Variants in CLDN2 observed in about 807,000 individuals in gnomAD.
The protein encoded by CLDN2 is claudin 2, also known as claudin-2.
A neutral mutation model predicts 8.2 loss-of-function variants in CLDN2; 1 was observed. The ratio of observed to expected loss-of-function variants is 0.12; its 90% CI spans 0.04 to 0.58. The LOEUF is 0.58. Ranked by LOEUF, CLDN2 falls within the 20% of genes least tolerant of loss-of-function variation. The pLI, the probability that CLDN2 is intolerant of heterozygous loss-of-function variation, is 0.90. For missense variants in CLDN2, 108 were observed against 172.9 expected (o/e 0.62, Z 2.11); for synonymous variants, 70 against 70.2 (o/e 1.00, Z 0.01).
chrX:106,927,848 C>A (rs148724207), intron 1 of CLDN2, among the ~76,000 whole-genome samples: 148 of 112,626 alleles, frequency 1.3e-3, no homozygotes, highest in African/African-American at 4.4e-3. Context: ...ACCTGTCTGG[C>A]TCCTGGCTTT....
chrX:106,923,706 A>T (rs1933426863), intron 1 of CLDN2, among the ~76,000 whole-genome samples: 1 of 111,517 alleles, frequency 9.0e-6, no homozygotes, highest in Non-Finnish European at 1.9e-5. Flanking sequence ...CAAATGTTGA[A>T]TTTGAGGCCA....
intron 1 of CLDN2, among the ~76,000 whole-genome samples, chrX:106,926,787 TCA>T (rs60711565): frequency 0.048 from 100 of 2,101 alleles, 6 homozygotes; most frequent in East Asian, 0.091. Flanking sequence ...GGCAGGAGGA[TCA>T]CACACACACA....
Position 106,928,525 on chromosome X carries a change from G to C in CLDN2, c.297G>C (p.Val99=). The C allele has an allele frequency of 8.3e-7, 1 of 1,211,715 alleles. No homozygotes were observed. Among genetic ancestry groups the C allele is most frequent in the Non-Finnish European group, 1.1e-6 (1 of 895,519 alleles). ...AISSLACIIS[V]VGMRCTVFCQ... Reference sequence around the variant, plus strand: ...CCTCCCTGGCCTGCATTATCTCTGTGGTGGGCATGAGATGCACAGTCTTCT... The same window carrying C: ...CCTCCCTGGCCTGCATTATCTCTGTCGTGGGCATGAGATGCACAGTCTTCT... Residue 99 remains valine (V), a synonymous_variant, in exon 2 of 2, where the codon GTG becomes GTC. Transcript: ENST00000336803.
intron 1 of CLDN2, among the ~76,000 whole-genome samples, chrX:106,911,984 G>T (rs1186652921): frequency 2.7e-5 from 3 of 111,592 alleles, no homozygotes; most frequent in African/African-American, 9.8e-5. Context: ...GTTACAGAGG[G>T]TCGCTGTTGA....
At chrX:106,927,898 C>T (rs1053579436) in intron 1 of CLDN2, among the ~76,000 whole-genome samples, 153 bp from the exon 2 acceptor site, 2 of 108,159 alleles carry the variant, frequency 1.8e-5, no homozygotes, top group Non-Finnish European at 3.8e-5. Flanking sequence ...ACGCAGGAGG[C>T]GATGACATTT....
chrX:106,916,880 T>A, upstream of CLDN2, among the ~76,000 whole-genome samples: 1 of 111,659 alleles, frequency 9.0e-6, no homozygotes, highest in East Asian at 2.8e-4. Flanking sequence ...AGACCCCATC[T>A]CTACAAAAAA....
intron 1 of CLDN2, among the ~76,000 whole-genome samples, chrX:106,911,844 C>T (rs910647805): frequency 4.5e-4 from 50 of 112,092 alleles, no homozygotes; most frequent in African/African-American, 1.6e-3. Flanking sequence ...TAGATTTAGT[C>T]TAGCAAGTAG....
upstream of CLDN2, chrX:106,918,577 G>C (rs1280821967): frequency 8.9e-6 from 1 of 112,196 alleles, no homozygotes; most frequent in Non-Finnish European, 1.9e-5. Context: ...GAAAAATAGA[G>C]TCAAGCATAA....
chrX:106,913,948 C>CT (rs35925693), upstream of CLDN2, among the ~76,000 whole-genome samples: 3,647 of 77,406 alleles, frequency 0.047, 339 homozygotes, highest in African/African-American at 0.18. Context: ...CACTAGAAAA[C>CT]TTTTTTTTTT....
At chrX:106,908,501 G>C (rs1933207625) in intron 1 of CLDN2, among the ~76,000 whole-genome samples, 1 of 110,426 alleles carries the variant, frequency 9.1e-6, no homozygotes, top group African/African-American at 3.3e-5. Context: ...TCAGGGTTTA[G>C]GGCCTCTGGA....
At chrX:106,901,684 C>T (rs1979456683) in intron 1 of CLDN2, 5 of 507,827 alleles carry the variant, frequency 9.8e-6, no homozygotes, top group East Asian at 3.6e-5. Context: ...AATACCCACC[C>T]CTCAACAAGG....
At chrX:106,901,928 T>C (rs915508869) in intron 1 of CLDN2, among the ~76,000 whole-genome samples, 7 of 112,042 alleles carry the variant, frequency 6.2e-5, no homozygotes, top group Non-Finnish European at 1.3e-4. Flanking sequence ...CCAGATCCCT[T>C]GCCCACTCTG....
At chrX:106,922,831 G>A (rs940725642) in intron 1 of CLDN2, among the ~76,000 whole-genome samples, 4 of 111,495 alleles carry the variant, frequency 3.6e-5, no homozygotes, top group African/African-American at 9.8e-5. Flanking sequence ...TGTATGTATA[G>A]GAGCATAAAG....
rs183993368 is a variant in CLDN2, at chrX:106,900,267, G to A, written c.-416G>A. On this transcript the variant is annotated 5_prime_UTR_variant, in exon 1 of 2. Coordinates refer to the CLDN2 transcript ENST00000541806. The stretch of plus-strand genomic sequence containing the variant: ...ATCTGCTGTTGGTATTCCTTGGGGT[G>A]AAGCCAGAAGTCAGGCTTTCCACAG... 2.8e-4 allele frequency: 32 copies of A among 113,995 alleles called. 2 individuals carry two copies. The highest frequency in any genetic ancestry group is 1.5e-3 in the Admixed American group (16 of 10,978). 9.4% of individuals were successfully genotyped at this position (113,995 alleles called of 1,213,427 possible).
At chrX:106,908,837 G>T (rs1187645522) in intron 1 of CLDN2, among the ~76,000 whole-genome samples, 5 of 111,426 alleles carry the variant, frequency 4.5e-5, no homozygotes, top group African/African-American at 1.6e-4. Flanking sequence ...TGCATGGACT[G>T]GGCCATGCTG....
At chrX:106,900,912 T>A in intron 1 of CLDN2, 1 of 1,207,262 alleles carries the variant, frequency 8.3e-7, no homozygotes, top group Non-Finnish European at 1.1e-6. Context: ...GAAGAGCCTG[T>A]GGACAGAGAA....
rs10156930 is a variant in CLDN2 at position 106,924,789 on chromosome X, C to T, written c.-178-3262C>T. On this transcript the variant is annotated intron_variant, in intron 1 of 1. Transcript: ENST00000336803. ...TCTGCTGTCTCTCTCTCCCCCCTTA[C>T]CTCTTTCTTCCTCTGATCCCCCATC... 7.7e-3 allele frequency among the ~76,000 whole-genome samples: 770 copies of T among 99,379 alleles called. 6 individuals carry two copies. The highest frequency in any genetic ancestry group is 0.028 in the African/African-American group (738 of 26,448). The allele number at this position is 99,379 out of a possible 115,157, so 86.3% of individuals were successfully genotyped here.
chrX:106,901,768 A>C (rs1004719838), intron 1 of CLDN2, among the ~76,000 whole-genome samples: 7 of 111,515 alleles, frequency 6.3e-5, no homozygotes, highest in African/African-American at 2.3e-4. Flanking sequence ...CCTCTGTTCC[A>C]GCACCTGTTT....
intron 1 of CLDN2, among the ~76,000 whole-genome samples, chrX:106,911,692 C>T (rs1157445607): frequency 2.7e-5 from 3 of 112,542 alleles, no homozygotes; most frequent in African/African-American, 9.7e-5. Flanking sequence ...GGATAAGAAG[C>T]AAGCCTTTCT....
Sources: allele counts gnomAD v4.1 joint callset (sites outside exome capture counted in the v4.1 genomes callset), GRCh38; gene constraint gnomAD v4.1.1; transcripts MANE v1.5; gene names NCBI Gene and HGNC (gene_info 2026-07-23, HGNC 2026-07-21).